PCDH9: variants seen among roughly 807,000 people sequenced by gnomAD.
PCDH9 encodes the protein protocadherin-9.
In PCDH9, 24 loss-of-function variants were observed where a neutral mutation model predicts 70.6. The observed-to-expected ratio is 0.34, with a 90% CI of 0.25 to 0.48. The LOEUF (loss-of-function observed/expected upper bound fraction) is 0.48. PCDH9 is among the 20% of genes least tolerant of loss of function. The pLI is 0.99. For synonymous variants in PCDH9, 562 were observed against 558.5 expected (o/e 1.01, Z -0.09); for missense variants, 1,281 against 1,503.6 (o/e 0.85, Z 2.45).
chr13:66,800,888 T>C (rs1031400865), intron 3 of PCDH9, among the ~76,000 whole-genome samples: 1 of 152,096 alleles, frequency 6.6e-6, no homozygotes, highest in African/African-American at 2.4e-5. Flanking sequence ...AACAAGCTGA[T>C]ACATGTCAAG....
intron 4 of PCDH9, among the ~76,000 whole-genome samples, chr13:66,374,454 G>T (rs1033608729): frequency 3.3e-5 from 5 of 151,978 alleles, no homozygotes; most frequent in African/African-American, 1.2e-4. Flanking sequence ...CAGCCCATAG[G>T]AAGCCGGGGA....
At chr13:66,418,021 T>C (rs2138340537) in intron 4 of PCDH9, among the ~76,000 whole-genome samples, 2 of 152,322 alleles carry the variant, frequency 1.3e-5, no homozygotes, top group South Asian at 4.1e-4. Flanking sequence ...TTAGATCCCA[T>C]TTGTCAATTT....
intron 3 of PCDH9, among the ~76,000 whole-genome samples, chr13:66,668,041 A>G (rs568369084): frequency 1.1e-4 from 17 of 152,166 alleles, no homozygotes; most frequent in Non-Finnish European, 2.4e-4. Flanking sequence ...AATCCACTGA[A>G]TGATTTGAAA....
At chr13:67,134,666 G>A (rs1466024072) in intron 2 of PCDH9, among the ~76,000 whole-genome samples, 1 of 151,984 alleles carries the variant, frequency 6.6e-6, no homozygotes, top group Admixed American at 6.6e-5. Context: ...TTGTGGGGTG[G>A]CTTCTTGCTA....
intron 4 of PCDH9, among the ~76,000 whole-genome samples, chr13:66,588,714 TAAAC>T (rs1479740419): frequency 5.9e-5 from 9 of 151,912 alleles, no homozygotes; most frequent in Non-Finnish European, 8.8e-5. Context: ...TTAGAGCTGT[TAAAC>T]AAGTTCTTTT....
intron 3 of PCDH9, among the ~76,000 whole-genome samples, chr13:66,867,258 G>C (rs931247696): frequency 3.3e-5 from 5 of 152,220 alleles, no homozygotes; most frequent in Middle Eastern, 6.8e-3. Flanking sequence ...AGTTTCTACT[G>C]AGGCACATAT....
chr13:66,797,975 G>C (rs987221329), intron 3 of PCDH9, among the ~76,000 whole-genome samples: 1 of 151,722 alleles, frequency 6.6e-6, no homozygotes. Flanking sequence ...GTGTGTGTGT[G>C]TGTGTGTGTA....
intron 2 of PCDH9, among the ~76,000 whole-genome samples, chr13:67,001,312 C>T (rs1418990009): frequency 6.6e-6 from 1 of 152,124 alleles, no homozygotes; most frequent in African/African-American, 2.4e-5. Flanking sequence ...GAACTCAACA[C>T]TTAAAAATTG....
chr13:67,134,737 G>A (rs2087190261), intron 2 of PCDH9, among the ~76,000 whole-genome samples: 1 of 152,066 alleles, frequency 6.6e-6, no homozygotes, highest in African/African-American at 2.4e-5. Context: ...ATGCTTGAGA[G>A]CAAACAAGCC....
intron 3 of PCDH9, among the ~76,000 whole-genome samples, chr13:66,666,614 A>G (rs563554965): frequency 7.9e-5 from 12 of 152,276 alleles, no homozygotes; most frequent in African/African-American, 2.4e-4. Context: ...AAAATAGTCC[A>G]AGAATTTTGT....
intron 4 of PCDH9, among the ~76,000 whole-genome samples, chr13:66,376,524 A>C (rs1206367615): frequency 6.6e-6 from 1 of 152,154 alleles, no homozygotes; most frequent in East Asian, 1.9e-4. Flanking sequence ...GTCAAAGTAA[A>C]ACAGATGACT....
chr13:66,819,118 A>C (rs2080663418), intron 3 of PCDH9, among the ~76,000 whole-genome samples: 1 of 152,126 alleles, frequency 6.6e-6, no homozygotes, highest in Admixed American at 6.5e-5. Context: ...CCAGCTCATC[A>C]GGTCCTCCAA....
chr13:66,595,669 G>T lies in PCDH9; in HGVS notation c.3340+35541C>A, dbSNP rs563049490. 2.6e-5 allele frequency among the ~76,000 whole-genome samples: 4 copies of T among 151,776 alleles called. No individual in the cohort carries two copies. The South Asian group carries it at 8.3e-4, about 32-fold the overall frequency. On this transcript the variant is annotated intron_variant, in intron 4 of 4. Transcript: ENST00000377865. ...AATGACAAAAGTAGCCAGAAACCAA[G>T]AATTCAGGATATTTGCACTGAGAAA...
At chr13:66,661,921 A>G (rs530512234) in intron 3 of PCDH9, among the ~76,000 whole-genome samples, 4 of 152,206 alleles carry the variant, frequency 2.6e-5, no homozygotes, top group Non-Finnish European at 5.9e-5. Flanking sequence ...TCATCACTCA[A>G]GTAAACCAAT....
At chr13:67,069,979 T>A (rs954572728) in intron 2 of PCDH9, among the ~76,000 whole-genome samples, 21 of 151,974 alleles carry the variant, frequency 1.4e-4, no homozygotes, top group Non-Finnish European at 2.2e-4. Context: ...CTCTATCTTT[T>A]CATATACAGT....
At chr13:66,769,610 G>A (rs1309502549) in intron 3 of PCDH9, among the ~76,000 whole-genome samples, 1 of 151,952 alleles carries the variant, frequency 6.6e-6, no homozygotes, top group Non-Finnish European at 1.5e-5. Context: ...ACATGTAGCT[G>A]CTTTGCAATT....
At chr13:66,951,853 T>C (rs984149605) in intron 2 of PCDH9, among the ~76,000 whole-genome samples, 19 of 152,200 alleles carry the variant, frequency 1.2e-4, no homozygotes, top group African/African-American at 4.3e-4. Context: ...TTCTATCTTC[T>C]AAGTGCCTGC....
intron 2 of PCDH9, among the ~76,000 whole-genome samples, chr13:67,023,128 GT>G (rs1413492517): frequency 6.6e-6 from 1 of 150,924 alleles, no homozygotes; most frequent in Non-Finnish European, 1.5e-5. Flanking sequence ...TCAGCAAGGG[GT>G]TTAGGAAAGC....
chr13:66,676,616 C>T (rs563191473), intron 3 of PCDH9, among the ~76,000 whole-genome samples: 1 of 152,230 alleles, frequency 6.6e-6, no homozygotes, highest in South Asian at 2.1e-4. Context: ...ACCCCCAAAA[C>T]AGGTCTCTTT....
Sources: gnomAD v4.1 joint callset for allele counts (sites outside exome capture counted in the v4.1 genomes callset) on GRCh38, gnomAD v4.1.1 for gene constraint, MANE v1.5 for transcripts, NCBI Gene and HGNC (gene_info 2026-07-23, HGNC 2026-07-21) for gene names.